The following LPP variants were observed in gnomAD, a reference collection of about 807,000 sequenced individuals.
LPP encodes the protein lipoma-preferred partner.
A neutral mutation model predicts 60.4 loss-of-function variants in LPP; 38 were observed. The observed-to-expected ratio is 0.63, with a 90% CI of 0.49 to 0.83. The LOEUF is 0.83. Among genes scored for constraint, LPP ranks in the 40% least tolerant of loss-of-function variants. The pLI is 0.00. For missense variants in LPP, 902 were observed against 783.6 expected (o/e 1.15, Z -1.80); for synonymous variants, 328 against 290.8 (o/e 1.13, Z -1.30).
At chr3:188,188,495 G>A (rs1648863472) in intron 1 of LPP, among the ~76,000 whole-genome samples, 1 of 151,792 alleles carries the variant, frequency 6.6e-6, no homozygotes, top group Admixed American at 6.6e-5. Context: ...CAATTATTTG[G>A]CGAAGTGTTA....
At chr3:188,286,464 T>C (rs1054058846) in intron 2 of LPP, among the ~76,000 whole-genome samples, 1 of 152,206 alleles carries the variant, frequency 6.6e-6, no homozygotes, top group African/African-American at 2.4e-5. Context: ...GAAAGTCCTC[T>C]CGGATCCTCT....
chr3:188,805,228 C>T (rs1450541957), intron 9 of LPP, among the ~76,000 whole-genome samples: 1 of 151,908 alleles, frequency 6.6e-6, no homozygotes, highest in Non-Finnish European at 1.5e-5. Context: ...TTGATGAGTT[C>T]CTTCCTCTCT....
At chr3:188,640,465 G>A (rs1260505025) in intron 7 of LPP, among the ~76,000 whole-genome samples, 17 of 149,318 alleles carry the variant, frequency 1.1e-4, no homozygotes, top group Admixed American at 2.0e-4. Context: ...ACATGTATAC[G>A]TATGTAAGTA....
intron 7 of LPP, among the ~76,000 whole-genome samples, chr3:188,690,904 C>T (rs1017502336): frequency 1.3e-5 from 2 of 152,084 alleles, no homozygotes; most frequent in African/African-American, 2.4e-5. Flanking sequence ...AATCCCTATA[C>T]ATTTTAAGTA....
rs1821635051 is a variant in LPP, at chr3:188,529,751, G to A, written c.429+4964G>A. The stretch of plus-strand genomic sequence containing the variant: ...TAACATTTGATGAGATCCTCCTCTG[G>A]ATCAGTCATTGGAGATTTAAAGGTT... On this transcript the variant is annotated intron_variant, in intron 6 of 11. Transcript: ENST00000617246. Among the ~76,000 whole-genome samples the A allele has an allele frequency of 2.6e-5, 4 of 152,202 alleles. No individual in the cohort carries two copies. In the South Asian group the frequency reaches 8.3e-4, roughly 32 times the overall value.
At chr3:188,794,478 C>T (rs2151063819) in intron 9 of LPP, among the ~76,000 whole-genome samples, 1 of 152,282 alleles carries the variant, frequency 6.6e-6, no homozygotes, top group South Asian at 2.1e-4. Flanking sequence ...CTCTGTCTTA[C>T]TCCCAATTTA....
At chr3:188,793,704 G>A (rs181418592) in intron 9 of LPP, among the ~76,000 whole-genome samples, 9 of 152,030 alleles carry the variant, frequency 5.9e-5, no homozygotes, top group African/African-American at 1.4e-4. Context: ...CTAGCCTTCC[G>A]TCTAATTGGG....
chr3:188,727,779 G>A (rs889476447), intron 8 of LPP, among the ~76,000 whole-genome samples: 1 of 152,120 alleles, frequency 6.6e-6, no homozygotes, highest in Admixed American at 6.5e-5. Flanking sequence ...TTTTTCAGAT[G>A]AGAAAATTGA....
chr3:188,291,983 A>G (rs1051261029), intron 2 of LPP, among the ~76,000 whole-genome samples: 1 of 152,230 alleles, frequency 6.6e-6, no homozygotes, highest in Non-Finnish European at 1.5e-5. Flanking sequence ...TATCTTAAAA[A>G]TGCCCATTTT....
chr3:188,162,896 C>T (rs974071772), intron 1 of LPP, among the ~76,000 whole-genome samples: 2 of 152,188 alleles, frequency 1.3e-5, no homozygotes, highest in African/African-American at 4.8e-5. Context: ...CTGTTTAATA[C>T]AGGGTGCTCC....
chr3:188,377,290 C>T (rs1775424287), intron 3 of LPP, among the ~76,000 whole-genome samples: 2 of 152,314 alleles, frequency 1.3e-5, no homozygotes, highest in South Asian at 2.1e-4. Flanking sequence ...GGATAATATC[C>T]TGCCGAGTGT....
chr3:188,396,204 T>G lies in LPP; in HGVS notation c.-9-9908T>G, dbSNP rs147145824. On this transcript the variant is annotated intron_variant, in intron 3 of 11. Coordinates refer to ENST00000617246, the MANE Select transcript of LPP (RefSeq NM_001375462.1). ...GTAAATATGTCTTAACGTTCATCAA[T>G]AGTAGACTCATATTCATTGAAGGAA... 3.4e-3 allele frequency among the ~76,000 whole-genome samples: 519 copies of G among 152,332 alleles called. 2 individuals carry two copies. The highest frequency in any genetic ancestry group is 0.011 in the African/African-American group (474 of 41,574).
intron 7 of LPP, among the ~76,000 whole-genome samples, chr3:188,622,772 G>A (rs1004299284): frequency 6.6e-6 from 1 of 152,078 alleles, no homozygotes; most frequent in African/African-American, 2.4e-5. Flanking sequence ...GCTCACACCT[G>A]TAATCCCAGC....
At position 188,609,465 on chromosome 3, in the gene LPP, G is replaced by C. The variant is rs777846196; in HGVS notation, c.734G>C (p.Gly245Ala). The stretch of plus-strand genomic sequence containing the variant: ...GCCCCTTCATCAGGACAAATTTATG[G>C]CTCAGGGCCCCAGGGCTATAACACT... ...MAAPSSGQIY[G>A]SGPQGYNTQP... Residue 245 changes from glycine (G) to alanine (A), a missense_variant, in exon 7 of 12, where the codon GGC (glycine) becomes GCC (alanine). Coordinates refer to ENST00000617246, the MANE Select transcript of LPP (RefSeq NM_001375462.1). This position sits in a 1 kb window ranked among gnomAD's most constrained non-coding sequence, Gnocchi z 6.9. 1.2e-6 allele frequency: 2 copies of C among 1,614,130 alleles called. No homozygotes were observed. The highest frequency in any genetic ancestry group is 4.5e-5 in the East Asian group (2 of 44,858).
chr3:188,286,634 C>T (rs1414241263), intron 2 of LPP, among the ~76,000 whole-genome samples: 2 of 152,130 alleles, frequency 1.3e-5, no homozygotes, highest in Non-Finnish European at 2.9e-5. Context: ...GGGCATCTCA[C>T]TTCTGTGTTC....
intron 3 of LPP, among the ~76,000 whole-genome samples, chr3:188,345,438 C>G (rs551327615): frequency 1.1e-3 from 166 of 152,236 alleles, no homozygotes; most frequent in Admixed American, 1.4e-3. Context: ...CTGCCCTTTT[C>G]TGAATCAGTG....
chr3:188,731,369 G>T lies in LPP; in HGVS notation c.1240+22976G>T, dbSNP rs1012246725. ...CATTCGGATTTAACAACCACATGAAGCTCCTGGATTATCTGGGGCATGTTT... is the reference window on the plus strand; with the variant it reads ...CATTCGGATTTAACAACCACATGAATCTCCTGGATTATCTGGGGCATGTTT... On this transcript the variant is annotated intron_variant, in intron 8 of 11. Coordinates refer to ENST00000617246, the MANE Select transcript of LPP (RefSeq NM_001375462.1). Among the ~76,000 whole-genome samples the T allele has an allele frequency of 8.5e-5, 13 of 152,252 alleles. 1 individual carries two copies. Among genetic ancestry groups the T allele is most frequent in the Admixed American group, 2.6e-4 (4 of 15,300 alleles).
At chr3:188,323,933 T>C (rs1176546013) in intron 2 of LPP, among the ~76,000 whole-genome samples, 1 of 152,258 alleles carries the variant, frequency 6.6e-6, no homozygotes, top group African/African-American at 2.4e-5. Context: ...AGCATTAGTT[T>C]GTCATTTTCT....
Sources: allele counts gnomAD v4.1 joint callset (sites outside exome capture counted in the v4.1 genomes callset), GRCh38; gene constraint gnomAD v4.1.1; non-coding constraint Gnocchi (gnomAD v3.1); transcripts MANE v1.5; gene names NCBI Gene and HGNC (gene_info 2026-07-23, HGNC 2026-07-21).